PKD1L3: variants seen among roughly 807,000 people sequenced by gnomAD.
The protein encoded by PKD1L3 is polycystin 1 like 3, transient receptor potential channel interacting.
PKD1L3 carries 239 observed loss-of-function variants against 184.1 expected under a neutral mutation model. That is an observed-to-expected ratio of 1.30 (90% CI 1.17 to 1.45). The LOEUF is 1.45. PKD1L3 is among the 40% of genes most tolerant of loss of function. The pLI, the probability that PKD1L3 is intolerant of heterozygous loss-of-function variation, is 0.00. For synonymous variants in PKD1L3, 996 were observed against 778.8 expected (o/e 1.28, Z -4.64); for missense variants, 2,660 against 2,067.2 (o/e 1.29, Z -5.56).
At chr16:71,951,502 G>C in intron 19 of PKD1L3, 62 bp downstream of exon 19, 1 of 1,448,432 alleles carries the variant, frequency 6.9e-7, no homozygotes, top group Non-Finnish European at 9.3e-7. Context: ...AAGAAAGTAA[G>C]ACATATGCAA....
At chr16:71,961,282 A>C (rs1218420964) in intron 16 of PKD1L3, among the ~76,000 whole-genome samples, 1 of 151,990 alleles carries the variant, frequency 6.6e-6, no homozygotes, top group Non-Finnish European at 1.5e-5. Context: ...ACCACTGCGC[A>C]TGGCTAACTT....
intron 14 of PKD1L3, 29 bp from the exon 15 acceptor site, chr16:71,967,344 T>C (rs985071509): frequency 6.6e-5 from 101 of 1,527,326 alleles, no homozygotes; most frequent in Non-Finnish European, 8.1e-5. Flanking sequence ...AGATAAAATA[T>C]AAGGAATTTT....
intron 24 of PKD1L3, among the ~76,000 whole-genome samples, chr16:71,938,081 G>C (rs1179645537): frequency 2.0e-5 from 3 of 152,144 alleles, no homozygotes; most frequent in Non-Finnish European, 2.9e-5. Context: ...CTCCTGGGCA[G>C]AGCTGCAGCT....
In PKD1L3 at chr16:71,935,194, T is replaced by TA. The variant is rs561459789; in HGVS notation, c.4613+163dup. Among the ~76,000 whole-genome samples, 120 of 152,386 alleles carry TA rather than the reference T, an allele frequency of 7.9e-4. 1 individual carries two copies. Among genetic ancestry groups the TA allele is most frequent in the Non-Finnish European group, 1.6e-3 (106 of 68,040 alleles). Reference sequence around the variant, plus strand: ...ATGTGACTAGCAGTTAAATGGCTTCTAGTTCACTGTCTTCTCTGCTGTGGA... The same window carrying TA: ...ATGTGACTAGCAGTTAAATGGCTTCTAAGTTCACTGTCTTCTCTGCTGTGGA... On this transcript the variant is annotated intron_variant, in intron 26 of 29. Transcript: ENST00000620267.
In PKD1L3 at chr16:71,999,371, T is replaced by C. The variant is rs117705489; in HGVS notation, c.295+313A>G. On this transcript the variant is annotated intron_variant, in intron 1 of 29. Coordinates refer to ENST00000620267, the MANE Select transcript of PKD1L3 (RefSeq NM_181536.2). ...TTAGGAAACTTAGAGATCAGAATAA[T>C]GAAGAGATGTTTATTAGGAAAAAAA... Among the ~76,000 whole-genome samples, 316 of 152,054 alleles carry C rather than the reference T, an allele frequency of 2.1e-3. 4 individuals are homozygous for C. The East Asian group carries it at 0.041, about 20-fold the overall frequency.
rs771233717 is a variant in PKD1L3, at chr16:71,953,025, T to C, written c.2878A>G (p.Ile960Val). 1.9e-5 allele frequency: 30 copies of C among 1,548,704 alleles called. No homozygotes were observed. Among genetic ancestry groups the C allele is most frequent in the Admixed American group, 9.9e-5 (5 of 50,538 alleles). ...SIHTAVILFP[I>V]NLVIGRLFPL... ...AAGAGCCGCCCTATGACAAGATTGATTGGGAAGAGGATGACAGCAGTATGG... is the reference window on the plus strand; with the variant it reads ...AAGAGCCGCCCTATGACAAGATTGACTGGGAAGAGGATGACAGCAGTATGG... Residue 960 changes from isoleucine (I) to valine (V), a missense_variant, in exon 18 of 30, where the codon ATC becomes GTC. Physicochemically the swap from Ile to Val is conservative, Grantham distance 29. Coordinates refer to ENST00000620267, the MANE Select transcript of PKD1L3 (RefSeq NM_181536.2).
chr16:71,971,221 A>G (rs2039696704), intron 12 of PKD1L3, among the ~76,000 whole-genome samples: 1 of 152,250 alleles, frequency 6.6e-6, no homozygotes, highest in Admixed American at 6.5e-5. Flanking sequence ...ATTTAAGAAA[A>G]TATGAAGCAG....
At chr16:71,944,739 GT>G (rs2038500650) in intron 22 of PKD1L3, among the ~76,000 whole-genome samples, 2 of 104,696 alleles carry the variant, frequency 1.9e-5, no homozygotes, top group Non-Finnish European at 3.9e-5. Flanking sequence ...TCACTTCGTT[GT>G]CGAGGCTGGA....
At chr16:71,962,557 G>T in intron 16 of PKD1L3, among the ~76,000 whole-genome samples, 1 of 152,094 alleles carries the variant, frequency 6.6e-6, no homozygotes, top group East Asian at 1.9e-4. Flanking sequence ...GGCAATCTTG[G>T]CTCACTGCAA....
intron 3 of PKD1L3, among the ~76,000 whole-genome samples, chr16:71,992,423 T>C (rs901408641): frequency 3.3e-5 from 5 of 152,246 alleles, no homozygotes; most frequent in Non-Finnish European, 7.3e-5. Context: ...AATGGAAGCA[T>C]TGCTCTCACT....
At chr16:71,959,662 A>C (rs1239460903) in intron 16 of PKD1L3, among the ~76,000 whole-genome samples, 1 of 152,202 alleles carries the variant, frequency 6.6e-6, no homozygotes, top group African/African-American at 2.4e-5. Context: ...AAGAAACGTT[A>C]TTCTTAGAAA....
At chr16:71,966,999 C>G (rs1027121825) in intron 15 of PKD1L3, 138 bp downstream of exon 15, 12 of 993,522 alleles carry the variant, frequency 1.2e-5, no homozygotes, top group Non-Finnish European at 1.7e-5. Flanking sequence ...TCTGTGTAGA[C>G]AGCTTTGAAA....
chr16:71,936,514 T>TC (rs1327793602), intron 25 of PKD1L3, among the ~76,000 whole-genome samples: 1 of 142,908 alleles, frequency 7.0e-6, no homozygotes, highest in Non-Finnish European at 1.5e-5. Flanking sequence ...ATCACTTTTT[T>TC]TTTTCTTTTT....
rs539770217 is a variant in PKD1L3, at chr16:71,977,417, G to A, written c.1578C>T (p.Asn526=). The A allele has an allele frequency of 7.1e-6, 11 of 1,551,630 alleles. No individual in the cohort carries two copies. Among genetic ancestry groups the A allele is most frequent in the South Asian group, 1.2e-5 (1 of 84,060 alleles). The change falls in exon 11 of 30, where the codon AAC becomes AAT. Residue 526 remains asparagine, a synonymous_variant. Transcript: ENST00000620267. The stretch of plus-strand genomic sequence containing the variant: ...TGATTGTAAGCTGATGTGTGCTCAT[G>A]TTGAGGCTGGTGGGATGGGTTTCCA... ...VSLETHPTSL[N]MSTHQLTITV... is the part of the protein sequence containing the mutation.
At chr16:71,986,170 T>C (rs1207784188) in intron 5 of PKD1L3, 51 bp downstream of exon 5, 1 of 1,540,642 alleles carries the variant, frequency 6.5e-7, no homozygotes, top group Non-Finnish European at 8.8e-7. Context: ...GTGAACCAAG[T>C]ACTTTTTGGG....
At chr16:71,989,152 T>TTTTTG (rs1299606346) in intron 4 of PKD1L3, among the ~76,000 whole-genome samples, 1 of 152,114 alleles carries the variant, frequency 6.6e-6, no homozygotes, top group Admixed American at 6.6e-5. Context: ...ACTGAGGGTT[T>TTTTTG]TTTTGTTTTG....
intron 5 of PKD1L3, among the ~76,000 whole-genome samples, chr16:71,985,930 T>C (rs986475102): frequency 2.0e-5 from 3 of 152,094 alleles, no homozygotes; most frequent in East Asian, 3.9e-4. Context: ...GTAGGAGGAA[T>C]TGTCTAGAGG....
intron 19 of PKD1L3, among the ~76,000 whole-genome samples, chr16:71,951,050 T>C (rs1318326988): frequency 1.3e-5 from 2 of 151,592 alleles, no homozygotes; most frequent in African/African-American, 4.9e-5. Flanking sequence ...ACCTGTGTTT[T>C]TTTCTTTTTT....
chr16:71,949,005 A>G (rs2038727491), intron 21 of PKD1L3, among the ~76,000 whole-genome samples: 1 of 152,000 alleles, frequency 6.6e-6, no homozygotes, highest in Non-Finnish European at 1.5e-5. Context: ...TTTTAGAAAT[A>G]TAAAGTCTGA....
Sources: allele counts gnomAD v4.1 joint callset (sites outside exome capture counted in the v4.1 genomes callset), GRCh38; gene constraint gnomAD v4.1.1; transcripts MANE v1.5; gene names NCBI Gene and HGNC (gene_info 2026-07-23, HGNC 2026-07-21).